TTC6: variants seen among roughly 807,000 people sequenced by gnomAD.
TTC6 encodes the protein tetratricopeptide repeat protein 6.
Under a neutral mutation model 210.4 loss-of-function variants are expected in TTC6, and 172 were observed. The ratio of observed to expected loss-of-function variants is 0.82; its 90% CI spans 0.72 to 0.93. TTC6 has a LOEUF of 0.93. Ranked by LOEUF, TTC6 falls within the 40% of genes least tolerant of loss-of-function variation. The pLI is 0.00. For synonymous variants in TTC6, 804 were observed against 819.6 expected (o/e 0.98, Z 0.32); for missense variants, 2,414 against 2,318.1 (o/e 1.04, Z -0.85).
chr14:37,776,043 C>CTTTTTTTTTTTTTTT (rs1163694975), intron 14 of TTC6, among the ~76,000 whole-genome samples: 1 of 26,270 alleles, frequency 3.8e-5, no homozygotes, highest in Non-Finnish European at 8.7e-5. Flanking sequence ...GGTCTTGATT[C>CTTTTTTTTTTTTTTT]TTTTTTTTTT....
At chr14:37,649,152 T>A (rs1276346915) in intron 1 of TTC6, among the ~76,000 whole-genome samples, 1 of 152,098 alleles carries the variant, frequency 6.6e-6, no homozygotes, top group Non-Finnish European at 1.5e-5. Flanking sequence ...CCTGTTCCAA[T>A]CTCCCCCTAC....
intron 14 of TTC6, among the ~76,000 whole-genome samples, chr14:37,781,424 CT>C (rs1346311673): frequency 5.9e-5 from 9 of 151,948 alleles, no homozygotes; most frequent in East Asian, 3.9e-4. Context: ...GCATAAATGT[CT>C]TTTTTTTGAA....
At chr14:37,625,400 T>C (rs1185444678) in intron 1 of TTC6, among the ~76,000 whole-genome samples, 1 of 151,348 alleles carries the variant, frequency 6.6e-6, no homozygotes, top group Non-Finnish European at 1.5e-5. Flanking sequence ...ATACAAAAAT[T>C]AGCCGGGCGT....
chr14:37,840,448 C>T (rs1394572966), intron 29 of TTC6, among the ~76,000 whole-genome samples: 1 of 152,146 alleles, frequency 6.6e-6, no homozygotes, highest in African/African-American at 2.4e-5. Flanking sequence ...TGAAACTATT[C>T]CACTCAATAG....
At chr14:37,804,536 A>G (rs2096114006) in intron 20 of TTC6, 144 bp from the exon 23 acceptor site, 1 of 1,098,964 alleles carries the variant, frequency 9.1e-7, no homozygotes, top group East Asian at 2.4e-5. Flanking sequence ...CAAGACCTGT[A>G]ACTTCACCAG....
chr14:37,795,236 A>G (rs1306078498), intron 17 of TTC6, 34 bp from the exon 20 acceptor site: 4 of 1,431,664 alleles, frequency 2.8e-6, no homozygotes, highest in Admixed American at 2.0e-5. Context: ...AATCGATGTT[A>G]TTAGGAGCTA....
chr14:37,685,770 T>C (rs148861487), intron 3 of TTC6, among the ~76,000 whole-genome samples: 223 of 152,254 alleles, frequency 1.5e-3, no homozygotes, highest in African/African-American at 5.2e-3. Flanking sequence ...TGTTGCACCT[T>C]TCAGCAGCAG....
chr14:37,761,603 G>A (rs952675306), intron 14 of TTC6, among the ~76,000 whole-genome samples: 1 of 151,750 alleles, frequency 6.6e-6, no homozygotes, highest in African/African-American at 2.4e-5. Context: ...ACCCCCTCAT[G>A]CCTTTGTCTT....
intron 14 of TTC6, among the ~76,000 whole-genome samples, chr14:37,761,635 G>A (rs568184011): frequency 1.5e-5 from 2 of 136,534 alleles, no homozygotes; most frequent in South Asian, 4.3e-4. Flanking sequence ...GACAACCACT[G>A]TCTATTTTAA....
upstream of TTC6, among the ~76,000 whole-genome samples, chr14:37,621,176 A>T (rs1332478178): frequency 6.6e-6 from 1 of 152,176 alleles, no homozygotes; most frequent in Non-Finnish European, 1.5e-5. Context: ...AGAGAAGGGG[A>T]AACAGCTGTC....
Position 37,808,853 on chromosome 14 carries a change from T to C in TTC6, c.4569+7T>C, listed in dbSNP as rs2096123881. 2 of 1,395,558 alleles carry C rather than the reference T, an allele frequency of 1.4e-6. No homozygotes were observed. Among genetic ancestry groups the C allele is most frequent in the Non-Finnish European group, 2.0e-6 (2 of 1,008,130 alleles). The allele number at this position is 1,395,558 out of a possible 1,614,324, so 86.4% of individuals were successfully genotyped here. On this transcript the variant is annotated splice_region_variant and intron_variant, in intron 24 of 30. Transcript: ENST00000553443. ...GATAAGGGAACTTCAAATGGTAAGA[T>C]GACCATTTTAGTAAACAATGTGTTT...
rs1566897785 is a variant in TTC6 at position 37,701,473 on chromosome 14, AT to A, written c.1521del (p.Phe507LeufsTer6). ...AAGGCCACGATACCCTGCTTGGAAA[AT>A]TTGGAACCTCTTTCTTAGATGATCG... On this transcript the variant is annotated frameshift_variant, in exon 5 of 31. Coordinates refer to ENST00000553443, the Ensembl canonical transcript of TTC6. LOFTEE classifies it high-confidence loss of function. 1.3e-6 allele frequency: 2 copies of A among 1,523,936 alleles called. No homozygotes were observed. Among genetic ancestry groups the A allele is most frequent in the Non-Finnish European group, 1.7e-6 (2 of 1,143,366 alleles). The allele number at this position is 1,523,936 out of a possible 1,614,324, so 94.4% of individuals were successfully genotyped here.
intron 29 of TTC6, among the ~76,000 whole-genome samples, chr14:37,835,048 G>A (rs2096194482): frequency 6.6e-6 from 1 of 152,150 alleles, no homozygotes; most frequent in African/African-American, 2.4e-5. Context: ...AGGCAGTCCA[G>A]TCCTCAGGCC....
chr14:37,669,405 G>A lies in TTC6; in HGVS notation c.940-10746G>A, dbSNP rs1368829007. Reference sequence around the variant, plus strand: ...GGATCTCAAAATCAATCTAAGGAGTGTTTCTCCACTTGCAGTTCTCTTTGT... The same window carrying A: ...GGATCTCAAAATCAATCTAAGGAGTATTTCTCCACTTGCAGTTCTCTTTGT... On this transcript the variant is annotated intron_variant, in intron 1 of 30. Transcript: ENST00000553443. Among the ~76,000 whole-genome samples the A allele has an allele frequency of 2.0e-5, 3 of 152,146 alleles. No individual in the cohort carries two copies. In the East Asian group the frequency reaches 5.8e-4, roughly 29 times the overall value.
chr14:37,708,066 T>C (rs887728336), intron 5 of TTC6, among the ~76,000 whole-genome samples: 1 of 152,092 alleles, frequency 6.6e-6, no homozygotes, highest in Non-Finnish European at 1.5e-5. Flanking sequence ...GGTAGATTAC[T>C]ATAAGCTTTT....
chr14:37,807,094 G>A (rs1207549913), intron 22 of TTC6, among the ~76,000 whole-genome samples: 1 of 151,882 alleles, frequency 6.6e-6, no homozygotes, highest in Admixed American at 6.6e-5. Flanking sequence ...AGATAAATAT[G>A]GCAAAATGTT....
intron 1 of TTC6, among the ~76,000 whole-genome samples, chr14:37,653,551 A>G (rs1357408653): frequency 6.6e-6 from 1 of 151,372 alleles, no homozygotes; most frequent in Non-Finnish European, 1.5e-5. Flanking sequence ...AGCATGTTTC[A>G]TGTTTAACAC....
At chr14:37,764,205 C>T (rs1276385449) in intron 14 of TTC6, among the ~76,000 whole-genome samples, 1 of 151,982 alleles carries the variant, frequency 6.6e-6, no homozygotes, top group Non-Finnish European at 1.5e-5. Context: ...ATGGTCTGTC[C>T]TAAGAATGTT....
intron 1 of TTC6, among the ~76,000 whole-genome samples, chr14:37,627,126 A>G (rs189941301): frequency 2.0e-5 from 3 of 151,866 alleles, no homozygotes; most frequent in Admixed American, 2.0e-4. Context: ...TCCTACTTTC[A>G]TCATGTGAAG....
Sources: gnomAD v4.1 joint callset for allele counts (sites outside exome capture counted in the v4.1 genomes callset) on GRCh38, gnomAD v4.1.1 for gene constraint, MANE v1.5 for transcripts, NCBI Gene and HGNC (gene_info 2026-07-23, HGNC 2026-07-21) for gene names.